The following TBC1D8 variants were observed in gnomAD, a reference collection of about 807,000 sequenced individuals.
The protein encoded by TBC1D8 is BUB2-like protein 1.
In TBC1D8, 65 loss-of-function variants were observed where a neutral mutation model predicts 118.8. The observed-to-expected ratio is 0.55, with a 90% CI of 0.45 to 0.67. The LOEUF is 0.67. Ranked by LOEUF, TBC1D8 falls within the 30% of genes least tolerant of loss-of-function variation. TBC1D8 has a pLI of 0.00. For synonymous variants in TBC1D8, 566 were observed against 595.8 expected (o/e 0.95, Z 0.73); for missense variants, 1,376 against 1,471.2 (o/e 0.94, Z 1.06).
chr2:101,123,377 G>T (rs571843832), intron 1 of TBC1D8, among the ~76,000 whole-genome samples: 2 of 152,194 alleles, frequency 1.3e-5, no homozygotes, highest in African/African-American at 4.8e-5. Context: ...AGTATTCAGC[G>T]GTTGTACATA....
intron 2 of TBC1D8, among the ~76,000 whole-genome samples, chr2:101,072,527 C>CA (rs1413593286): frequency 6.6e-6 from 1 of 152,148 alleles, no homozygotes; most frequent in African/African-American, 2.4e-5. Context: ...CACCAGAGAC[C>CA]AATTTTGTGG....
intron 11 of TBC1D8, among the ~76,000 whole-genome samples, chr2:101,030,542 TCTC>T (rs1440293184): frequency 6.6e-6 from 1 of 152,162 alleles, no homozygotes; most frequent in Non-Finnish European, 1.5e-5. Flanking sequence ...CAAGCTGAAT[TCTC>T]CTACAATGCT....
rs59252843 is a variant in TBC1D8, at chr2:101,030,987, G to C, written c.1937-1211C>G. 3.3e-3 allele frequency among the ~76,000 whole-genome samples: 508 copies of C among 152,314 alleles called. 4 individuals carry two copies. Among genetic ancestry groups the C allele is most frequent in the African/African-American group, 0.012 (478 of 41,558 alleles). ...ACCAGGTGTTGCCCATGGCAGGAAG[G>C]GGGCAGAAGAGAACTTGCTGGGGTG... On this transcript the variant is annotated intron_variant, in intron 11 of 19. Coordinates refer to ENST00000409318, the MANE Select transcript of TBC1D8 (RefSeq NM_001330348.2).
intron 2 of TBC1D8, among the ~76,000 whole-genome samples, chr2:101,071,591 T>C (rs1235328532): frequency 6.6e-6 from 1 of 152,312 alleles, no homozygotes; most frequent in South Asian, 2.1e-4. Context: ...AAAGGTATTA[T>C]ACATTTTAGA....
rs555482125 is a variant in TBC1D8, at chr2:101,144,675, G to A, written c.127+6452C>T. 5.3e-5 allele frequency among the ~76,000 whole-genome samples: 8 copies of A among 152,156 alleles called. No individual in the cohort carries two copies. The East Asian group carries it at 1.3e-3, about 26-fold the overall frequency. On this transcript the variant is annotated intron_variant, in intron 1 of 19. Transcript: ENST00000409318. The stretch of plus-strand genomic sequence containing the variant: ...CTCTTGGCCGGGCGCGGTGGCTCAC[G>A]CCTGTAATCCTAGCACTTTGGAAGG...
intron 5 of TBC1D8, among the ~76,000 whole-genome samples, chr2:101,045,329 AG>A (rs943339506): frequency 3.9e-5 from 6 of 152,362 alleles, no homozygotes; most frequent in Admixed American, 3.9e-4. Flanking sequence ...GTATCAAAAC[AG>A]GTTTCCCTTT....
intron 2 of TBC1D8, among the ~76,000 whole-genome samples, chr2:101,067,444 A>G (rs762029201): frequency 6.6e-6 from 1 of 152,210 alleles, no homozygotes; most frequent in Non-Finnish European, 1.5e-5. Flanking sequence ...TTGGTTCTAG[A>G]CCACCACGAT....
chr2:101,044,086 C>G (rs1225941032), intron 5 of TBC1D8, among the ~76,000 whole-genome samples: 1 of 152,246 alleles, frequency 6.6e-6, no homozygotes, highest in Non-Finnish European at 1.5e-5. Context: ...TGCACACAGT[C>G]TCCATTCCCC....
At chr2:101,057,516 T>C (rs957537586) in intron 3 of TBC1D8, among the ~76,000 whole-genome samples, 1 of 152,224 alleles carries the variant, frequency 6.6e-6, no homozygotes, top group African/African-American at 2.4e-5. Flanking sequence ...CATATATGCA[T>C]GCTTTTGTGT....
rs1207279915 is a variant in TBC1D8, at chr2:101,091,607, C to G, written c.128-1243G>C. ...GGGCATGGTGGCAAGTGCCTGTATTCCCAGCTACTCAGGAGGCTGAGGCGG... is the reference window on the plus strand; with the variant it reads ...GGGCATGGTGGCAAGTGCCTGTATTGCCAGCTACTCAGGAGGCTGAGGCGG... On this transcript the variant is annotated intron_variant, in intron 1 of 19. Coordinates refer to ENST00000409318, the MANE Select transcript of TBC1D8 (RefSeq NM_001330348.2). 2.6e-5 allele frequency among the ~76,000 whole-genome samples: 4 copies of G among 152,234 alleles called. No individual in the cohort carries two copies. The South Asian group carries it at 8.3e-4, about 32-fold the overall frequency.
intron 1 of TBC1D8, among the ~76,000 whole-genome samples, chr2:101,130,448 C>T (rs1416749061): frequency 1.3e-5 from 2 of 152,198 alleles, no homozygotes; most frequent in Non-Finnish European, 2.9e-5. Flanking sequence ...AGAAGTTCCT[C>T]GCCCCAGTGC....
intron 2 of TBC1D8, among the ~76,000 whole-genome samples, chr2:101,074,469 G>T (rs918353659): frequency 2.0e-5 from 3 of 152,196 alleles, no homozygotes; most frequent in African/African-American, 7.2e-5. Context: ...AGTGCTAACA[G>T]ATTTGCTCAG....
At chr2:101,115,164 G>A (rs562284710) in intron 1 of TBC1D8, among the ~76,000 whole-genome samples, 7 of 152,320 alleles carry the variant, frequency 4.6e-5, no homozygotes, top group African/African-American at 1.7e-4. Flanking sequence ...CATTATGACA[G>A]ACAGCGGTCA....
At chr2:101,108,737 T>C (rs1677392366) in intron 1 of TBC1D8, among the ~76,000 whole-genome samples, 1 of 140,054 alleles carries the variant, frequency 7.1e-6, no homozygotes, top group African/African-American at 2.6e-5. Flanking sequence ...CACCCACCAT[T>C]ACTCCAGGAT....
chr2:101,009,947 G>C (rs1390149310), intron 19 of TBC1D8, among the ~76,000 whole-genome samples: 3 of 151,158 alleles, frequency 2.0e-5, no homozygotes, highest in African/African-American at 4.9e-5. Flanking sequence ...TCAGCCTCCC[G>C]AGTAGCTGGG....
intron 2 of TBC1D8, among the ~76,000 whole-genome samples, chr2:101,088,652 T>C (rs1263710321): frequency 6.6e-6 from 1 of 152,044 alleles, no homozygotes; most frequent in African/African-American, 2.4e-5. Flanking sequence ...CCATCATACC[T>C]CACTGCAGCC....
chr2:101,037,767 A>G, intron 7 of TBC1D8, 59 bp from the exon 8 acceptor site: 4 of 1,598,110 alleles, frequency 2.5e-6, no homozygotes, highest in Non-Finnish European at 2.5e-6. Flanking sequence ...TCATGGCTTT[A>G]GTCGAGGGGA....
chr2:101,076,027 A>C (rs150699525), intron 2 of TBC1D8, among the ~76,000 whole-genome samples: 69 of 152,344 alleles, frequency 4.5e-4, no homozygotes, highest in African/African-American at 1.5e-3. Context: ...AAAGAAAAGG[A>C]AGCTAAAACA....
chr2:101,074,914 A>G (rs189986357), intron 2 of TBC1D8, among the ~76,000 whole-genome samples: 1 of 152,228 alleles, frequency 6.6e-6, no homozygotes, highest in Non-Finnish European at 1.5e-5. Flanking sequence ...GCACCCCTAC[A>G]GCCTAAACTG....
Sources: gnomAD v4.1 joint callset for allele counts (sites outside exome capture counted in the v4.1 genomes callset) on GRCh38, gnomAD v4.1.1 for gene constraint, MANE v1.5 for transcripts, NCBI Gene and HGNC (gene_info 2026-07-23, HGNC 2026-07-21) for gene names.